CTNNA2: variants seen among roughly 807,000 people sequenced by gnomAD.
The protein encoded by CTNNA2 is catenin alpha-2.
In CTNNA2, 42 loss-of-function variants were observed where a neutral mutation model predicts 101.0. That is an observed-to-expected ratio of 0.42 (90% CI 0.32 to 0.54). CTNNA2 has a LOEUF of 0.54. Among genes scored for constraint, CTNNA2 ranks in the 20% least tolerant of loss-of-function variants. The probability of loss-of-function intolerance (pLI) is 0.14; values close to 1 mark genes in which losing one functional copy is unlikely to be tolerated. For synonymous variants in CTNNA2, 450 were observed against 456.4 expected (o/e 0.99, Z 0.18); for missense variants, 871 against 1,223.1 (o/e 0.71, Z 4.29).
chr2:79,287,716 G>GC (rs1417068383), intron 2 of CTNNA2, among the ~76,000 whole-genome samples: 1 of 152,176 alleles, frequency 6.6e-6, no homozygotes, highest in Non-Finnish European at 1.5e-5. Flanking sequence ...TCTGTGCCCT[G>GC]CCCCCAGAGG....
intron 2 of CTNNA2, among the ~76,000 whole-genome samples, chr2:79,291,514 C>T (rs980989005): frequency 2.6e-5 from 4 of 152,188 alleles, no homozygotes; most frequent in African/African-American, 9.7e-5. Flanking sequence ...TCCACTTCCC[C>T]TGTTCTTCCT....
At chr2:79,645,213 CT>C (rs1293615083) in intron 1 of CTNNA2, among the ~76,000 whole-genome samples, 7 of 152,114 alleles carry the variant, frequency 4.6e-5, no homozygotes, top group African/African-American at 1.7e-4. Flanking sequence ...TCTCAAACTT[CT>C]GGACTCAAGC....
At chr2:80,285,235 C>A (rs963616079) in intron 7 of CTNNA2, among the ~76,000 whole-genome samples, 1 of 152,096 alleles carries the variant, frequency 6.6e-6, no homozygotes, top group Non-Finnish European at 1.5e-5. Flanking sequence ...GAGTAGATTG[C>A]CAGTAGCATC....
chr2:80,336,789 G>A lies in CTNNA2; in HGVS notation c.1057-56422G>A, dbSNP rs548901075. Among the ~76,000 whole-genome samples the A allele has an allele frequency of 2.0e-4, 30 of 152,296 alleles. No individual in the cohort carries two copies. In the South Asian group the frequency reaches 5.8e-3, roughly 29 times the overall value. ...GACTATAGTTTTAAAAGCAGGTTCC[G>A]TAAGGTGCTCTGTTCAAATACTTAA... On this transcript the variant is annotated intron_variant, in intron 7 of 18. Coordinates refer to ENST00000402739, the MANE Select transcript of CTNNA2 (RefSeq NM_001282597.3).
intron 17 of CTNNA2, among the ~76,000 whole-genome samples, chr2:80,609,804 A>G (rs1443431249): frequency 6.6e-6 from 1 of 151,376 alleles, no homozygotes; most frequent in African/African-American, 2.4e-5. Context: ...TGGATCTCAG[A>G]CTCCACAACC....
At chr2:79,342,938 G>A (rs1422817787) in intron 3 of CTNNA2, among the ~76,000 whole-genome samples, 2 of 152,128 alleles carry the variant, frequency 1.3e-5, no homozygotes, top group Admixed American at 6.5e-5. Flanking sequence ...TAAGCGACCT[G>A]CAGGGCCTTC....
intron 6 of CTNNA2, among the ~76,000 whole-genome samples, chr2:79,905,356 T>G (rs1389275902): frequency 6.6e-6 from 1 of 151,780 alleles, no homozygotes; most frequent in Non-Finnish European, 1.5e-5. Flanking sequence ...AACTAAAAGG[T>G]CAAAAAGATA....
At chr2:79,337,919 C>T (rs1677032503) in intron 3 of CTNNA2, among the ~76,000 whole-genome samples, 1 of 151,832 alleles carries the variant, frequency 6.6e-6, no homozygotes, top group African/African-American at 2.4e-5. Flanking sequence ...GAAATTTATC[C>T]AGAGAAGAAA....
chr2:79,769,296 A>G (rs539616551), intron 3 of CTNNA2, among the ~76,000 whole-genome samples: 66 of 152,204 alleles, frequency 4.3e-4, no homozygotes, highest in African/African-American at 1.5e-3. Flanking sequence ...GGCATATTTG[A>G]TCTTGAAAAA....
At chr2:80,406,409 C>T (rs1341401612) in intron 8 of CTNNA2, among the ~76,000 whole-genome samples, 2 of 152,042 alleles carry the variant, frequency 1.3e-5, no homozygotes, top group South Asian at 2.1e-4. Flanking sequence ...TGCTGAGTTC[C>T]AAGGGGCAGG....
At chr2:80,113,750 GT>G (rs1701353697) in intron 7 of CTNNA2, among the ~76,000 whole-genome samples, 1 of 152,122 alleles carries the variant, frequency 6.6e-6, no homozygotes. Flanking sequence ...ACAAGAGTGG[GT>G]TTTTAAAAAG....
intron 4 of CTNNA2, among the ~76,000 whole-genome samples, chr2:79,472,691 C>G (rs1671012722): frequency 6.6e-6 from 1 of 152,140 alleles, no homozygotes; most frequent in African/African-American, 2.4e-5. Flanking sequence ...TGGCTGCACC[C>G]TTACTGTTCT....
intron 1 of CTNNA2, among the ~76,000 whole-genome samples, chr2:79,621,516 A>C (rs984738982): frequency 6.6e-6 from 1 of 152,222 alleles, no homozygotes; most frequent in Non-Finnish European, 1.5e-5. Flanking sequence ...CAATTTGAGC[A>C]ATACGATACA....
intron 4 of CTNNA2, among the ~76,000 whole-genome samples, chr2:79,439,465 G>A (rs1458443152): frequency 6.6e-6 from 1 of 152,152 alleles, no homozygotes; most frequent in Non-Finnish European, 1.5e-5. Flanking sequence ...TCTTTTGGGA[G>A]GAATGAAAGT....
In CTNNA2 at chr2:80,043,194, CTT is replaced by C. The variant is rs1222876385; in HGVS notation, c.1056+133399_1056+133400del. Among the ~76,000 whole-genome samples, 946 of 108,136 alleles carry C rather than the reference CTT, an allele frequency of 8.7e-3. 20 individuals carry two copies. The highest frequency in any genetic ancestry group is 0.013 in the African/African-American group (401 of 30,710). 70.9% of individuals were successfully genotyped at this position (108,136 alleles called of 152,430 possible). On this transcript the variant is annotated intron_variant, in intron 7 of 18. Coordinates refer to ENST00000402739, the MANE Select transcript of CTNNA2 (RefSeq NM_001282597.3). ...CCTTCCTTCCTTCCTTTCTTTCTTT[CTT>C]TCTCTCTCTCTTTTTTTTTTTTTCA...
At chr2:79,416,937 C>A (rs1388121481) in intron 4 of CTNNA2, among the ~76,000 whole-genome samples, 2 of 152,104 alleles carry the variant, frequency 1.3e-5, no homozygotes, top group Non-Finnish European at 2.9e-5. Context: ...GGCACATTAG[C>A]AAACATGCTC....
At chr2:80,185,866 G>A (rs1464367733) in intron 7 of CTNNA2, among the ~76,000 whole-genome samples, 1 of 152,104 alleles carries the variant, frequency 6.6e-6, no homozygotes, top group Non-Finnish European at 1.5e-5. Context: ...ATTGACACAT[G>A]GTTTATTTAT....
chr2:80,511,806 G>A (rs1029053790), intron 9 of CTNNA2, among the ~76,000 whole-genome samples: 4 of 152,126 alleles, frequency 2.6e-5, no homozygotes, highest in African/African-American at 7.2e-5. Flanking sequence ...TCTTTTAGAA[G>A]TAGAGCATCT....
At chr2:79,415,910 A>G (rs567648229) in intron 4 of CTNNA2, among the ~76,000 whole-genome samples, 1 of 152,284 alleles carries the variant, frequency 6.6e-6, no homozygotes, top group African/African-American at 2.4e-5. Flanking sequence ...CCTTGGAAGT[A>G]AATATTGAGA....
Sources: gnomAD v4.1 joint callset for allele counts (sites outside exome capture counted in the v4.1 genomes callset) on GRCh38, gnomAD v4.1.1 for gene constraint, MANE v1.5 for transcripts, NCBI Gene and HGNC (gene_info 2026-07-23, HGNC 2026-07-21) for gene names.